The following ABL1 variants were observed in gnomAD, a reference collection of about 807,000 sequenced individuals.
ABL1 encodes tyrosine-protein kinase ABL1.
A neutral mutation model predicts 94.7 loss-of-function variants in ABL1; 11 were observed. That is an observed-to-expected ratio of 0.12 (90% confidence interval 0.07 to 0.19). The LOEUF is 0.19. ABL1 is among the 10% of genes least tolerant of loss of function. The pLI is 1.00. For synonymous variants in ABL1, 656 were observed against 622.4 expected, an observed-to-expected ratio of 1.05 and a Z score of -0.80; for missense variants, 1,082 against 1,489.4, an observed-to-expected ratio of 0.73 and a Z score of 4.50.
At position 130,863,804 on chromosome 9, in the gene ABL1, A is replaced by G. The variant is rs767670335; in HGVS notation, c.822+769A>G. Among the ~76,000 whole-genome samples, 2 of 152,098 alleles carry G rather than the reference A, an allele frequency of 1.3e-5. No homozygotes were observed. The highest frequency in any genetic ancestry group is 2.9e-5 in the Non-Finnish European group (2 of 68,028). On this transcript the variant is annotated intron_variant, in intron 4 of 10. Coordinates refer to ENST00000318560, the MANE Select transcript of ABL1 (RefSeq NM_005157.6). The surrounding 1 kb of genome is among the most constrained non-coding windows in gnomAD (Gnocchi z 4.3). Reference sequence around the variant, plus strand: ...GTGGCGAGGGTGTCCCCTAGTGTTGACTTACATTATTTCCACTTGTTTTAA... The same window carrying G: ...GTGGCGAGGGTGTCCCCTAGTGTTGGCTTACATTATTTCCACTTGTTTTAA...
intron 1 of ABL1, among the ~76,000 whole-genome samples, chr9:130,839,573 TAG>T (rs1830637756): frequency 6.6e-6 from 1 of 152,228 alleles, no homozygotes; most frequent in Non-Finnish European, 1.5e-5. Context: ...CTGAGGTTTC[TAG>T]AAAAGAGGAA....
chr9:130,778,335 G>A (rs1829697703), intron 1 of ABL1, among the ~76,000 whole-genome samples: 1 of 151,710 alleles, frequency 6.6e-6, no homozygotes, highest in Non-Finnish European at 1.5e-5. Flanking sequence ...TAGACTGTGA[G>A]CAGGGGAATT....
intron 1 of ABL1, among the ~76,000 whole-genome samples, chr9:130,768,595 G>A (rs1036983911): frequency 1.3e-5 from 2 of 152,206 alleles, no homozygotes; most frequent in African/African-American, 4.8e-5. Context: ...GAAGAAGAAC[G>A]GTAGTAAGTT....
chr9:130,861,722 GTCT>G (rs1404386903), intron 3 of ABL1, among the ~76,000 whole-genome samples: 1 of 152,166 alleles, frequency 6.6e-6, no homozygotes, highest in African/African-American at 2.4e-5. Flanking sequence ...ATGATTTTAA[GTCT>G]TCTTTCCACC....
At chr9:130,741,226 G>A (rs1337343608) in intron 1 of ABL1, among the ~76,000 whole-genome samples, 6 of 152,136 alleles carry the variant, frequency 3.9e-5, no homozygotes, top group African/African-American at 1.4e-4. Context: ...TAGTCATGGT[G>A]CTGCCTGGCA....
At position 130,862,665 on chromosome 9, in the gene ABL1, TG is replaced by T; in HGVS notation, c.550-97del. 1 of 1,352,928 alleles carries T rather than the reference TG, an allele frequency of 7.4e-7. No individual in the cohort carries two copies. Among genetic ancestry groups the T allele is most frequent in the Admixed American group, 2.3e-5 (1 of 44,280 alleles). 83.8% of individuals were successfully genotyped at this position (1,352,928 alleles called of 1,614,324 possible). On this transcript the variant is annotated intron_variant, in intron 3 of 10. Transcript: ENST00000318560. The surrounding 1 kb of genome is among the most constrained non-coding windows in gnomAD (Gnocchi z 5.5). ...GTGGAGAGCTCCTTATGTGAGATTT[TG>T]CTGTGTAGTGAATTAAGGCTCAGCC...
At chr9:130,845,872 A>C (rs62913461) in intron 1 of ABL1, among the ~76,000 whole-genome samples, 1 of 151,578 alleles carries the variant, frequency 6.6e-6, no homozygotes, top group East Asian at 1.9e-4. Flanking sequence ...AAAAAAAAAA[A>C]TTCATCCACA....
chr9:130,838,669 A>G (rs568273460), intron 1 of ABL1, among the ~76,000 whole-genome samples: 11 of 152,324 alleles, frequency 7.2e-5, no homozygotes, highest in African/African-American at 2.2e-4. Context: ...TAGCTTTGCA[A>G]TATTCGGTCT....
At chr9:130,750,287 T>C (rs970204676) in intron 1 of ABL1, among the ~76,000 whole-genome samples, 1 of 148,578 alleles carries the variant, frequency 6.7e-6, no homozygotes, top group Non-Finnish European at 1.5e-5. Context: ...TTTTTCATTA[T>C]GGATTTTTCA....
At chr9:130,883,169 C>T (rs1055245674) in intron 10 of ABL1, among the ~76,000 whole-genome samples, 1 of 152,084 alleles carries the variant, frequency 6.6e-6, no homozygotes, top group African/African-American at 2.4e-5. Flanking sequence ...ACGCTTCTCT[C>T]AATAAAGCCA....
intron 1 of ABL1, among the ~76,000 whole-genome samples, chr9:130,754,727 G>T (rs925334876): frequency 4.6e-5 from 7 of 152,014 alleles, no homozygotes; most frequent in Admixed American, 6.6e-5. Flanking sequence ...TTAAAGGAGA[G>T]GCAAGATAGG....
intron 1 of ABL1, among the ~76,000 whole-genome samples, chr9:130,761,963 G>A (rs1832120518): frequency 6.6e-6 from 1 of 151,908 alleles, no homozygotes; most frequent in Non-Finnish European, 1.5e-5. Flanking sequence ...ACGAACGTGG[G>A]GAAACCCCCG....
intron 1 of ABL1, among the ~76,000 whole-genome samples, chr9:130,756,218 C>G (rs1039896225): frequency 1.3e-5 from 2 of 152,130 alleles, no homozygotes; most frequent in Admixed American, 1.3e-4. Flanking sequence ...TTTCTCATTT[C>G]CCTTTTCTCC....
chr9:130,748,588 T>G (rs927808973), intron 1 of ABL1, among the ~76,000 whole-genome samples: 5 of 151,472 alleles, frequency 3.3e-5, no homozygotes, highest in African/African-American at 1.2e-4. Flanking sequence ...ACTTTTTTTT[T>G]TTTTTGAGAC....
chr9:130,804,458 C>T (rs1373494191), intron 1 of ABL1, among the ~76,000 whole-genome samples: 1 of 152,120 alleles, frequency 6.6e-6, no homozygotes, highest in Non-Finnish European at 1.5e-5. Context: ...GTGGCGCATG[C>T]CTGTAATCCC....
intron 1 of ABL1, among the ~76,000 whole-genome samples, chr9:130,718,317 CAAAAAAAAA>C (rs35188504): frequency 8.2e-5 from 6 of 73,052 alleles, no homozygotes; most frequent in East Asian, 6.7e-4. Context: ...GACTCTGTCT[CAAAAAAAAA>C]AAAAAAAAAA....
At chr9:130,822,922 C>T (rs1382118828) in intron 1 of ABL1, among the ~76,000 whole-genome samples, 1 of 152,048 alleles carries the variant, frequency 6.6e-6, no homozygotes, top group Non-Finnish European at 1.5e-5. Flanking sequence ...CTCAGCATCC[C>T]AAGTAGCTGG....
At position 130,809,409 on chromosome 9, in the gene ABL1, AGAGAGAGAGTGT is replaced by A. The variant is rs747834628; in HGVS notation, c.137-44653_137-44642del. Among the ~76,000 whole-genome samples the A allele has an allele frequency of 3.2e-4, 40 of 125,458 alleles. No homozygotes were observed. In the South Asian group the frequency reaches 4.9e-3, roughly 15 times the overall value. The allele number at this position is 125,458 out of a possible 152,430, so 82.3% of individuals were successfully genotyped here. On this transcript the variant is annotated intron_variant, in intron 1 of 10. Transcript: ENST00000372348. ...GAGAGAGAGAGAGAGAGAGAGAGAG[AGAGAGAGAGTGT>A]GTGTGTGTGTGTGTGTGTGTGTGCA...
At chr9:130,802,469 TC>T (rs1238972026) in intron 1 of ABL1, among the ~76,000 whole-genome samples, 3 of 152,222 alleles carry the variant, frequency 2.0e-5, no homozygotes, top group African/African-American at 7.2e-5. Context: ...ACTGTCCTTT[TC>T]TTTGTCCATT....
Sources: gnomAD v4.1 joint callset for allele counts (sites outside exome capture counted in the v4.1 genomes callset) on GRCh38, gnomAD v4.1.1 for gene constraint, Gnocchi (gnomAD v3.1) non-coding constraint, MANE v1.5 for transcripts, NCBI Gene and HGNC (gene_info 2026-07-23, HGNC 2026-07-21) for gene names.